The following PDE6A variants were observed in gnomAD, a reference collection of about 807,000 sequenced individuals.
PDE6A encodes rod cGMP-specific 3',5'-cyclic phosphodiesterase subunit alpha.
In PDE6A, 84 loss-of-function variants were observed where a neutral mutation model predicts 106.3. The observed-to-expected ratio is 0.79, with a 90% CI of 0.66 to 0.95. The LOEUF (loss-of-function observed/expected upper bound fraction) is 0.95. Among genes scored for constraint, PDE6A ranks in the 40% least tolerant of loss-of-function variants. The probability of loss-of-function intolerance (pLI) is 0.00; values close to 1 mark genes in which losing one functional copy is unlikely to be tolerated. For synonymous variants in PDE6A, 394 were observed against 386.6 expected (o/e 1.02, Z -0.23); for missense variants, 1,052 against 1,084.9 (o/e 0.97, Z 0.43).
intron 4 of PDE6A, among the ~76,000 whole-genome samples, chr5:149,929,502 G>A (rs2113653952): frequency 6.6e-6 from 1 of 152,238 alleles, no homozygotes; most frequent in African/African-American, 2.4e-5. Flanking sequence ...AGCTACTCGG[G>A]AGACTGAGGC....
chr5:149,873,506 A>G (rs1011604740), intron 17 of PDE6A, among the ~76,000 whole-genome samples: 12 of 151,668 alleles, frequency 7.9e-5, no homozygotes, highest in Admixed American at 5.3e-4. Flanking sequence ...TAATTTTTGT[A>G]TTTTCAATAG....
intron 4 of PDE6A, among the ~76,000 whole-genome samples, chr5:149,924,455 A>ATG (rs1395786431): frequency 4.0e-5 from 6 of 149,914 alleles, no homozygotes; most frequent in Non-Finnish European, 5.9e-5. Flanking sequence ...AAATAGAAAT[A>ATG]TATATATATT....
chr5:149,910,717 A>G (rs1753352812), intron 6 of PDE6A, among the ~76,000 whole-genome samples: 1 of 152,144 alleles, frequency 6.6e-6, no homozygotes, highest in African/African-American at 2.4e-5. Flanking sequence ...TTTTCAACTA[A>G]ACTCCTGTAG....
chr5:149,901,792 T>C (rs1752989693), intron 8 of PDE6A, among the ~76,000 whole-genome samples: 1 of 152,214 alleles, frequency 6.6e-6, no homozygotes, highest in Admixed American at 6.5e-5. Flanking sequence ...AATTTTAACT[T>C]TGGAATTATT....
intron 13 of PDE6A, among the ~76,000 whole-genome samples, chr5:149,889,495 T>C (rs972194807): frequency 9.2e-5 from 14 of 152,094 alleles, no homozygotes; most frequent in Non-Finnish European, 2.9e-5. Flanking sequence ...CAGGCTAGAG[T>C]GCACTGGTGC....
intron 13 of PDE6A, among the ~76,000 whole-genome samples, chr5:149,890,796 C>T (rs1752515890): frequency 6.6e-6 from 1 of 152,096 alleles, no homozygotes. Context: ...CATAAAACTG[C>T]TAACTCAGTA....
At chr5:149,932,377 T>G in intron 3 of PDE6A, 1 of 1,388,516 alleles carries the variant, frequency 7.2e-7, no homozygotes, top group Non-Finnish European at 1.0e-6. Context: ...GGTCTTTCAC[T>G]TAGCCTAAGT....
At position 149,884,884 on chromosome 5, in the gene PDE6A, G is replaced by C; in HGVS notation, c.1839-17C>G. 1.3e-6 allele frequency: 2 copies of C among 1,591,678 alleles called. No homozygotes were observed. The highest frequency in any genetic ancestry group is 1.7e-6 in the Non-Finnish European group (2 of 1,159,598). ...TTCTGGGATCTGAATGAGAAAGAGA[G>C]AGAATCAATATGGAGTGGACAATAG... On this transcript the variant is annotated splice_polypyrimidine_tract_variant and intron_variant, in intron 14 of 21. Transcript: ENST00000255266.
intron 1 of PDE6A, among the ~76,000 whole-genome samples, chr5:149,935,254 C>CTGTGTGTGTGAGTGTGTGTG (rs1554092629): frequency 1.7e-4 from 22 of 126,642 alleles, no homozygotes; most frequent in African/African-American, 5.9e-4. Context: ...ATTGTGTAGA[C>CTGTGTGTGTGAGTGTGTGTG]TGTGTGTGTG....
intron 4 of PDE6A, among the ~76,000 whole-genome samples, chr5:149,922,980 T>C (rs187352558): frequency 4.3e-4 from 65 of 152,344 alleles, no homozygotes; most frequent in Non-Finnish European, 7.9e-4. Flanking sequence ...TGGTCGAGTT[T>C]CAACCAATCA....
Position 149,882,051 on chromosome 5 carries a change from AAAATAAAT to A in PDE6A, c.2135+1370_2135+1377del, listed in dbSNP as rs150887967. Among the ~76,000 whole-genome samples, 453 of 144,378 alleles carry A rather than the reference AAAATAAAT, an allele frequency of 3.1e-3. 3 individuals carry two copies. Among genetic ancestry groups the A allele is most frequent in the South Asian group, 0.013 (56 of 4,376 alleles). The allele number at this position is 144,378 out of a possible 152,430, so 94.7% of individuals were successfully genotyped here. ...GGCAATAGAGCAAGACCCTGTCTCA[AAAATAAAT>A]AAATAAATAAATAAATAAATAAATA... On this transcript the variant is annotated intron_variant, in intron 17 of 21. Coordinates refer to ENST00000255266, the MANE Select transcript of PDE6A (RefSeq NM_000440.3).
At chr5:149,879,859 A>T (rs2113539882) in intron 17 of PDE6A, among the ~76,000 whole-genome samples, 2 of 152,054 alleles carry the variant, frequency 1.3e-5, no homozygotes, top group South Asian at 4.2e-4. Context: ...CTGGTTATTT[A>T]AAAATTTTTA....
At chr5:149,932,525 G>C in intron 3 of PDE6A, 1 of 1,341,226 alleles carries the variant, frequency 7.5e-7, no homozygotes, top group Non-Finnish European at 1.1e-6. Flanking sequence ...TTATTATCAC[G>C]CTAGCATTTG....
Position 149,928,232 on chromosome 5 carries a change from T to TA in PDE6A, c.858+2795_858+2796insT, listed in dbSNP as rs1554091941. Reference sequence around the variant, plus strand: ...TGCTATATATATATATATATATATATTTTTTTTTTTTTTTTTTTTGAGACG... The same window carrying TA: ...TGCTATATATATATATATATATATATATTTTTTTTTTTTTTTTTTTGAGACG... On this transcript the variant is annotated intron_variant, in intron 4 of 21. Transcript: ENST00000255266. Among the ~76,000 whole-genome samples, 113 of 11,338 alleles carry TA rather than the reference T, an allele frequency of 1.0e-2. 1 individual carries two copies. The highest frequency in any genetic ancestry group is 0.036 in the Middle Eastern group (1 of 28). The allele number at this position is 11,338 out of a possible 152,430, so 7.4% of individuals were successfully genotyped here.
chr5:149,908,206 T>G (rs894366409), intron 6 of PDE6A, among the ~76,000 whole-genome samples: 1 of 152,252 alleles, frequency 6.6e-6, no homozygotes, highest in African/African-American at 2.4e-5. Context: ...CCTACACTAC[T>G]GTAGCACAAT....
chr5:149,909,941 T>C (rs570244042), intron 6 of PDE6A, among the ~76,000 whole-genome samples: 1 of 152,362 alleles, frequency 6.6e-6, no homozygotes, highest in African/African-American at 2.4e-5. Context: ...TTTATTAGGT[T>C]AAATTCATTA....
At chr5:149,874,019 A>AAAG (rs764590161) in intron 17 of PDE6A, among the ~76,000 whole-genome samples, 7 of 152,078 alleles carry the variant, frequency 4.6e-5, no homozygotes, top group Admixed American at 1.3e-4. Context: ...AAAAAAAAAA[A>AAAG]AAGAAGAAGA....
At chr5:149,875,832 C>T (rs112142220) in intron 17 of PDE6A, among the ~76,000 whole-genome samples, 5,647 of 152,272 alleles carry the variant, frequency 0.037, 129 homozygotes, top group Admixed American at 0.056. Context: ...TCTTTACCCA[C>T]AATAAAAGCA....
chr5:149,924,699 G>A (rs1581204706), intron 4 of PDE6A, among the ~76,000 whole-genome samples: 1 of 152,298 alleles, frequency 6.6e-6, no homozygotes, highest in African/African-American at 2.4e-5. Context: ...ATTTGTTTAT[G>A]TGAAGGACTT....
Sources: gnomAD v4.1 joint callset for allele counts (sites outside exome capture counted in the v4.1 genomes callset) on GRCh38, gnomAD v4.1.1 for gene constraint, MANE v1.5 for transcripts, NCBI Gene and HGNC (gene_info 2026-07-23, HGNC 2026-07-21) for gene names.